SLC5A11: variants seen among roughly 807,000 people sequenced by gnomAD.
SLC5A11 encodes the protein solute carrier family 5 member 11.
Under a neutral mutation model 69.8 loss-of-function variants are expected in SLC5A11, and 48 were observed. The ratio of observed to expected loss-of-function variants is 0.69; its 90% CI spans 0.55 to 0.87. SLC5A11 has a LOEUF of 0.87. SLC5A11 is among the 40% of genes least tolerant of loss of function. The probability of loss-of-function intolerance (pLI) is 0.00; values close to 1 mark genes in which losing one functional copy is unlikely to be tolerated. For synonymous variants in SLC5A11, 319 were observed against 342.4 expected, an observed-to-expected ratio of 0.93 and a Z score of 0.75; for missense variants, 784 against 866.1, an observed-to-expected ratio of 0.91 and a Z score of 1.19.
In SLC5A11 at chr16:24,896,942, C is replaced by CTTTTTTTTTTT. The variant is rs869210839; in HGVS notation, c.871-1014_871-1004dup. The stretch of plus-strand genomic sequence containing the variant: ...CACCAGGAGTTAGACAACCTCCTTC[C>CTTTTTTTTTTT]TTTTTTTTTTTTTTTTTTTTTTTTT... On this transcript the variant is annotated intron_variant, in intron 9 of 15. Transcript: ENST00000347898. 2.1e-5 allele frequency among the ~76,000 whole-genome samples: 2 copies of CTTTTTTTTTTT among 97,092 alleles called. 1 individual carries two copies. The allele number at this position is 97,092 out of a possible 152,430, so 63.7% of individuals were successfully genotyped here.
intron 3 of SLC5A11, among the ~76,000 whole-genome samples, chr16:24,863,967 G>A (rs377034690): frequency 2.6e-5 from 4 of 152,168 alleles, no homozygotes; most frequent in South Asian, 2.1e-4. Flanking sequence ...TTGACCTTAC[G>A]TAGAACTCAT....
chr16:24,863,564 A>G (rs1200228632), intron 3 of SLC5A11, among the ~76,000 whole-genome samples: 1 of 152,158 alleles, frequency 6.6e-6, no homozygotes, highest in African/African-American at 2.4e-5. Flanking sequence ...GCCATGTGGA[A>G]AAGTCACATT....
chr16:24,901,974 A>ACG (rs1567685399), intron 10 of SLC5A11, among the ~76,000 whole-genome samples: 4 of 149,040 alleles, frequency 2.7e-5, no homozygotes, highest in Non-Finnish European at 4.5e-5. Flanking sequence ...ACACACACAC[A>ACG]CACACACATA....
chr16:24,911,473 G>A (rs1326822793), exon 16 of SLC5A11: 9 of 1,614,012 alleles, frequency 5.6e-6, no homozygotes, highest in Non-Finnish European at 6.8e-6. Flanking sequence ...AGACCCTCCT[G>A]GACGTCAACC....
intron 2 of SLC5A11, among the ~76,000 whole-genome samples, chr16:24,860,273 T>G (rs1446988626): frequency 2.6e-5 from 4 of 151,346 alleles, no homozygotes; most frequent in Admixed American, 6.6e-5. Flanking sequence ...GGCGACAGAG[T>G]GAGATTCCAT....
chr16:24,879,137 G>GT (rs964461519), intron 7 of SLC5A11, among the ~76,000 whole-genome samples: 4 of 151,498 alleles, frequency 2.6e-5, no homozygotes, highest in Admixed American at 6.6e-5. Context: ...GTTTTTTTTG[G>GT]TTTTTTGTTT....
intron 9 of SLC5A11, among the ~76,000 whole-genome samples, chr16:24,892,090 G>A (rs994076443): frequency 8.0e-5 from 12 of 150,700 alleles, no homozygotes; most frequent in African/African-American, 2.4e-4. Context: ...AGCCAGGCAC[G>A]GTGGTGTGCA....
exon 9 of SLC5A11, chr16:24,890,998 T>C: frequency 6.2e-7 from 1 of 1,614,228 alleles, no homozygotes; most frequent in Non-Finnish European, 8.5e-7. Flanking sequence ...CGAGATCCGC[T>C]GACATCTGAT....
At chr16:24,890,358 C>T (rs1022734513) in intron 8 of SLC5A11, among the ~76,000 whole-genome samples, 4 of 151,768 alleles carry the variant, frequency 2.6e-5, no homozygotes, top group African/African-American at 9.7e-5. Context: ...GTGGCACATG[C>T]CTGTAATCCC....
intron 7 of SLC5A11, among the ~76,000 whole-genome samples, chr16:24,877,850 G>GGCC: frequency 6.6e-6 from 1 of 152,352 alleles, no homozygotes; most frequent in Non-Finnish European, 1.5e-5. Context: ...CAGGCATGAT[G>GGCC]GCCCGTGCCT....
intron 1 of SLC5A11, among the ~76,000 whole-genome samples, chr16:24,849,947 TATTATC>T (rs2059227618): frequency 6.6e-6 from 1 of 152,050 alleles, no homozygotes; most frequent in South Asian, 2.1e-4. Context: ...TTTTTTATTT[TATTATC>T]ATTATTATTA....
At chr16:24,875,153 A>G (rs1450621006) in intron 5 of SLC5A11, among the ~76,000 whole-genome samples, 1 of 152,064 alleles carries the variant, frequency 6.6e-6, no homozygotes, top group Non-Finnish European at 1.5e-5. Flanking sequence ...AATTAAATCT[A>G]TTATCCGCCT....
rs570805189 is a variant in SLC5A11 at position 24,882,820 on chromosome 16, A to C, written c.584-1231A>C. ...CCCATCACACCTGGCTAATTTTTGT[A>C]TTTTTAGTAGGGACAAGGTTTCACC... On this transcript the variant is annotated intron_variant, in intron 7 of 15. Transcript: ENST00000347898. Among the ~76,000 whole-genome samples the C allele has an allele frequency of 2.6e-5, 4 of 151,856 alleles. No individual in the cohort carries two copies. In the South Asian group the frequency reaches 8.3e-4, roughly 32 times the overall value.
intron 1 of SLC5A11, among the ~76,000 whole-genome samples, chr16:24,848,122 C>G (rs1359147621): frequency 6.6e-6 from 1 of 152,132 alleles, no homozygotes; most frequent in Non-Finnish European, 1.5e-5. Flanking sequence ...AAGAGCATCC[C>G]AGGCAGAGGG....
At chr16:24,873,301 G>GGAAA (rs1555524282) in intron 5 of SLC5A11, among the ~76,000 whole-genome samples, 12 of 142,852 alleles carry the variant, frequency 8.4e-5, no homozygotes, top group Non-Finnish European at 1.4e-4. Context: ...AAGGAAGGAA[G>GGAAA]GAAATAAATA....
Position 24,894,992 on chromosome 16 carries a change from G to A in SLC5A11, c.871-2982G>A, listed in dbSNP as rs183394011. Among the ~76,000 whole-genome samples, 219 of 152,168 alleles carry A rather than the reference G, an allele frequency of 1.4e-3. 1 individual carries two copies. The highest frequency in any genetic ancestry group is 5.1e-3 in the African/African-American group (210 of 41,528). ...AAAATATTAATAGCTGGGTGTGGTGGTGTATGCCTGTGGTCCCAGCTACTT... is the reference window on the plus strand; with the variant it reads ...AAAATATTAATAGCTGGGTGTGGTGATGTATGCCTGTGGTCCCAGCTACTT... On this transcript the variant is annotated intron_variant, in intron 9 of 15. Transcript: ENST00000347898.
chr16:24,882,107 G>A (rs1437538542), intron 7 of SLC5A11, among the ~76,000 whole-genome samples: 1 of 152,148 alleles, frequency 6.6e-6, no homozygotes, highest in Non-Finnish European at 1.5e-5. Context: ...CTTGTTTGGA[G>A]GTCTGTGTCC....
intron 8 of SLC5A11, among the ~76,000 whole-genome samples, chr16:24,887,829 T>C (rs274069): frequency 0.76 from 115,309 of 152,040 alleles, 43,907 homozygotes; most frequent in African/African-American, 0.82. Flanking sequence ...GTGGCACATA[T>C]AAAACAAAGT....
chr16:24,872,368 T>C, intron 5 of SLC5A11, 149 bp downstream of exon 6: 1 of 899,388 alleles, frequency 1.1e-6, no homozygotes, highest in Non-Finnish European at 1.8e-6. Context: ...AGGGGAGGGA[T>C]GATCCACAGG....
Sources: gnomAD v4.1 joint callset for allele counts (sites outside exome capture counted in the v4.1 genomes callset) on GRCh38, gnomAD v4.1.1 for gene constraint, MANE v1.5 for transcripts, NCBI Gene and HGNC (gene_info 2026-07-23, HGNC 2026-07-21) for gene names.